Variants in CHN2 observed in about 807,000 individuals in gnomAD.
CHN2 encodes the protein chimerin 2.
Under a neutral mutation model 56.3 loss-of-function variants are expected in CHN2, and 35 were observed. The observed-to-expected ratio is 0.62, with a 90% CI of 0.47 to 0.82. The LOEUF (loss-of-function observed/expected upper bound fraction) is 0.82, where lower values mean the gene tolerates loss of function less well. Among genes scored for constraint, CHN2 ranks in the 40% least tolerant of loss-of-function variants. The pLI, the probability that CHN2 is intolerant of heterozygous loss-of-function variation, is 0.00. For synonymous variants in CHN2, 210 were observed against 212.8 expected, an observed-to-expected ratio of 0.99 and a Z score of 0.12; for missense variants, 491 against 580.5, an observed-to-expected ratio of 0.85 and a Z score of 1.58.
chr7:29,280,952 C>A (rs1348116911), intron 1 of CHN2, among the ~76,000 whole-genome samples: 1 of 152,070 alleles, frequency 6.6e-6, no homozygotes. Flanking sequence ...AAAAATTAGC[C>A]GGGCATGGTG....
chr7:29,213,890 A>G (rs193298710), intron 1 of CHN2, among the ~76,000 whole-genome samples: 3 of 151,646 alleles, frequency 2.0e-5, no homozygotes, highest in African/African-American at 4.9e-5. Flanking sequence ...TTAAACATTA[A>G]AAAAAAGAAT....
intron 1 of CHN2, among the ~76,000 whole-genome samples, chr7:29,220,071 T>A (rs1785652752): frequency 7.1e-6 from 1 of 141,388 alleles, no homozygotes. Context: ...CAAGACTCTG[T>A]CTCAAAAAAA....
chr7:29,459,139 G>A (rs1784971529), intron 6 of CHN2, among the ~76,000 whole-genome samples: 2 of 152,200 alleles, frequency 1.3e-5, no homozygotes, highest in South Asian at 2.1e-4. Flanking sequence ...CGCCAGGAAC[G>A]CGGTGGGTCA....
chr7:29,468,220 G>A (rs1287747677), intron 6 of CHN2, among the ~76,000 whole-genome samples: 2 of 137,852 alleles, frequency 1.5e-5, no homozygotes, highest in Admixed American at 8.5e-5. Context: ...CCAAAAGGAT[G>A]TACAAAGTTT....
intron 2 of CHN2, among the ~76,000 whole-genome samples, chr7:29,188,015 C>G (rs920466965): frequency 6.6e-6 from 1 of 152,186 alleles, no homozygotes; most frequent in Non-Finnish European, 1.5e-5. Flanking sequence ...AAGCCCAGGC[C>G]TGGCTCCTAT....
At chr7:29,238,674 T>C (rs764649693) in intron 1 of CHN2, among the ~76,000 whole-genome samples, 8 of 152,270 alleles carry the variant, frequency 5.3e-5, no homozygotes, top group Middle Eastern at 3.4e-3. Flanking sequence ...ATATAAAGTA[T>C]TAAGAAGGGC....
intron 6 of CHN2, among the ~76,000 whole-genome samples, chr7:29,415,940 G>A (rs1025928714): frequency 6.6e-6 from 1 of 152,214 alleles, no homozygotes; most frequent in African/African-American, 2.4e-5. Context: ...ACTTGTAAGT[G>A]TTGAAGGCCT....
chr7:29,387,137 A>G (rs1800974724), intron 3 of CHN2, among the ~76,000 whole-genome samples: 1 of 152,208 alleles, frequency 6.6e-6, no homozygotes, highest in African/African-American at 2.4e-5. Context: ...AAATGAGACA[A>G]AAGGAGAGAA....
At chr7:29,295,579 A>T (rs1409764808) in intron 1 of CHN2, among the ~76,000 whole-genome samples, 3 of 135,380 alleles carry the variant, frequency 2.2e-5, no homozygotes, top group African/African-American at 3.1e-5. Context: ...CCATCTATTT[A>T]AAAAAAAAAA....
chr7:29,457,412 C>A (rs1368194691), intron 6 of CHN2, among the ~76,000 whole-genome samples: 1 of 152,156 alleles, frequency 6.6e-6, no homozygotes, highest in Non-Finnish European at 1.5e-5. Context: ...CAGAGCTCCC[C>A]GTGCCTCTGC....
intron 5 of CHN2, among the ~76,000 whole-genome samples, chr7:29,398,761 ATT>A (rs61569425): frequency 0.55 from 65,845 of 120,466 alleles, 18,540 homozygotes; most frequent in Non-Finnish European, 0.67. Flanking sequence ...TGACTGGCTA[ATT>A]TTTTTTTTTT....
intron 6 of CHN2, among the ~76,000 whole-genome samples, chr7:29,444,609 CTGCAGGCCTA>C (rs1783905142): frequency 6.6e-6 from 1 of 152,260 alleles, no homozygotes. Context: ...CTCAAGGCCT[CTGCAGGCCTA>C]AGCTCTGAAG....
At position 29,425,024 on chromosome 7, in the gene CHN2, G is replaced by A. The variant is rs189974997; in HGVS notation, c.576+24196G>A. On this transcript the variant is annotated intron_variant, in intron 6 of 12. Coordinates refer to ENST00000222792, the MANE Select transcript of CHN2 (RefSeq NM_004067.4). ...CCTGCATCAAGAGATTTGACAAGCA[G>A]TGGATGTTGGTGACTCACACACTGT... 7.1e-4 allele frequency among the ~76,000 whole-genome samples: 108 copies of A among 152,354 alleles called. 2 individuals carry two copies. The highest frequency in any genetic ancestry group is 2.5e-3 in the African/African-American group (106 of 41,590).
intron 1 of CHN2, among the ~76,000 whole-genome samples, chr7:29,309,064 T>C (rs1257852415): frequency 1.3e-5 from 2 of 152,184 alleles, no homozygotes; most frequent in African/African-American, 2.4e-5. Context: ...AACAAGTGAA[T>C]GAATGGAAAG....
chr7:29,169,512 T>A (rs1352431053), intron 2 of CHN2, among the ~76,000 whole-genome samples: 4 of 152,216 alleles, frequency 2.6e-5, no homozygotes, highest in Admixed American at 2.0e-4. Context: ...GTTTTGTTAT[T>A]GTTATATTAT....
At chr7:29,213,221 A>C in intron 1 of CHN2, 10 of 1,143,744 alleles carry the variant, frequency 8.7e-6, no homozygotes, top group Non-Finnish European at 1.3e-5. Flanking sequence ...TGTGAAGATG[A>C]GTGAAATTGA....
chr7:29,174,165 A>T (rs1431152694), intron 2 of CHN2, among the ~76,000 whole-genome samples: 1 of 151,972 alleles, frequency 6.6e-6, no homozygotes, highest in Non-Finnish European at 1.5e-5. Context: ...ATGCAGGAGG[A>T]GGTGGCTGCC....
intron 7 of CHN2, chr7:29,483,696 C>A: frequency 3.4e-6 from 1 of 290,646 alleles, no homozygotes; most frequent in Non-Finnish European, 5.3e-6. Context: ...GTAACTGGAA[C>A]AGCTCTCTTT....
chr7:29,410,451 T>G (rs182811163), intron 6 of CHN2, among the ~76,000 whole-genome samples: 2 of 152,272 alleles, frequency 1.3e-5, no homozygotes, highest in South Asian at 2.1e-4. Context: ...TTAAAGGTTT[T>G]TTTTTAATTA....
Sources: allele counts gnomAD v4.1 joint callset (sites outside exome capture counted in the v4.1 genomes callset), GRCh38; gene constraint gnomAD v4.1.1; transcripts MANE v1.5; gene names NCBI Gene and HGNC (gene_info 2026-07-23, HGNC 2026-07-21).